UNC13C: variants seen among roughly 807,000 people sequenced by gnomAD.
The protein encoded by UNC13C is protein unc-13 homolog C.
UNC13C carries 174 observed loss-of-function variants against 245.4 expected under a neutral mutation model. The ratio of observed to expected loss-of-function variants is 0.71; its 90% CI spans 0.63 to 0.80. UNC13C has a LOEUF of 0.80. Ranked by LOEUF, UNC13C falls within the 30% of genes least tolerant of loss-of-function variation. The pLI, the probability that UNC13C is intolerant of heterozygous loss-of-function variation, is 0.00. For synonymous variants in UNC13C, 992 were observed against 895.1 expected, an observed-to-expected ratio of 1.11 and a Z score of -1.93; for missense variants, 2,829 against 2,602.9, an observed-to-expected ratio of 1.09 and a Z score of -1.89.
chr15:54,591,394 AT>A (rs1898782994), intron 30 of UNC13C, among the ~76,000 whole-genome samples: 1 of 152,178 alleles, frequency 6.6e-6, no homozygotes, highest in Non-Finnish European at 1.5e-5. Flanking sequence ...GTCTGGTAGA[AT>A]TCTGCTGTGA....
intron 25 of UNC13C, among the ~76,000 whole-genome samples, chr15:54,528,217 T>G (rs369589080): frequency 1.3e-5 from 2 of 152,136 alleles, no homozygotes; most frequent in East Asian, 3.9e-4. Context: ...CTAAGTGATA[T>G]AACCTCAACA....
intron 2 of UNC13C, among the ~76,000 whole-genome samples, chr15:54,141,087 A>G (rs2031995530): frequency 6.6e-6 from 1 of 152,214 alleles, no homozygotes; most frequent in Non-Finnish European, 1.5e-5. Flanking sequence ...TAATGAATAT[A>G]AAGTACTCAT....
At chr15:54,010,983 C>A (rs1386964739) in intron 1 of UNC13C, among the ~76,000 whole-genome samples, 2 of 152,066 alleles carry the variant, frequency 1.3e-5, no homozygotes, top group Admixed American at 1.3e-4. Context: ...GTGGCCAATT[C>A]TTCGATAAAG....
chr15:54,353,920 G>A (rs2039038497), intron 17 of UNC13C, among the ~76,000 whole-genome samples: 1 of 152,166 alleles, frequency 6.6e-6, no homozygotes, highest in South Asian at 2.1e-4. Flanking sequence ...TTGTCTCCAG[G>A]CCAGGATGAA....
chr15:54,481,787 T>A (rs979135339), intron 19 of UNC13C, among the ~76,000 whole-genome samples: 1 of 151,802 alleles, frequency 6.6e-6, no homozygotes, highest in Non-Finnish European at 1.5e-5. Flanking sequence ...CCTGTCCTCA[T>A]GTCTCCTGAT....
chr15:54,538,155 A>AAAAAAAAAAAAC (rs1896075830), intron 26 of UNC13C, among the ~76,000 whole-genome samples: 1 of 146,732 alleles, frequency 6.8e-6, no homozygotes, highest in African/African-American at 2.5e-5. Flanking sequence ...AAAAAAAAAA[A>AAAAAAAAAAAAC]AAAAAAAAAC....
At chr15:54,501,582 C>A (rs547500050) in intron 22 of UNC13C, among the ~76,000 whole-genome samples, 3 of 152,198 alleles carry the variant, frequency 2.0e-5, no homozygotes, top group African/African-American at 7.2e-5. Flanking sequence ...ATAAAAGAAG[C>A]AGCCACTGTC....
intron 2 of UNC13C, among the ~76,000 whole-genome samples, chr15:54,101,021 T>A (rs1900135513): frequency 6.6e-6 from 1 of 152,190 alleles, no homozygotes; most frequent in South Asian, 2.1e-4. Flanking sequence ...TTAAGCCCAT[T>A]TCAATTTTTT....
At chr15:54,079,388 G>GT (rs990846009) in intron 2 of UNC13C, among the ~76,000 whole-genome samples, 23 of 151,586 alleles carry the variant, frequency 1.5e-4, no homozygotes, top group South Asian at 1.3e-3. Flanking sequence ...TGAATTTTTA[G>GT]TTTTTTTTAT....
chr15:54,163,041 A>G (rs879480152), intron 4 of UNC13C, among the ~76,000 whole-genome samples: 10 of 152,148 alleles, frequency 6.6e-5, no homozygotes, highest in Non-Finnish European at 1.0e-4. Flanking sequence ...TGGCCCTGCA[A>G]AGATGTCCGC....
At chr15:54,275,398 T>C (rs2036805782) in intron 10 of UNC13C, among the ~76,000 whole-genome samples, 2 of 152,162 alleles carry the variant, frequency 1.3e-5, no homozygotes, top group African/African-American at 2.4e-5. Flanking sequence ...TCATACTTAG[T>C]ATAATAGTAT....
At chr15:54,408,935 G>A (rs1050534177) in intron 18 of UNC13C, among the ~76,000 whole-genome samples, 15 of 152,166 alleles carry the variant, frequency 9.9e-5, no homozygotes, top group Admixed American at 2.6e-4. Flanking sequence ...ATATTTTTCC[G>A]TGGTATCATT....
At chr15:53,881,439 T>G in the UNC13C span, among the ~76,000 whole-genome samples, 1 of 152,198 alleles carries the variant, frequency 6.6e-6, no homozygotes, top group African/African-American at 2.4e-5. Flanking sequence ...ATCAAATTCA[T>G]GTAAATTTTA....
intron 4 of UNC13C, among the ~76,000 whole-genome samples, chr15:54,172,361 T>C (rs1189215119): frequency 6.6e-6 from 1 of 151,976 alleles, no homozygotes; most frequent in Non-Finnish European, 1.5e-5. Context: ...AAATATACCA[T>C]GTACCCCATA....
chr15:54,558,187 T>C (rs887632928), intron 29 of UNC13C, among the ~76,000 whole-genome samples: 1 of 151,924 alleles, frequency 6.6e-6, no homozygotes, highest in South Asian at 2.1e-4. Flanking sequence ...CACCAGCATG[T>C]CACATGTATA....
At chr15:54,008,406 C>A (rs1895236863) in intron 1 of UNC13C, among the ~76,000 whole-genome samples, 1 of 152,170 alleles carries the variant, frequency 6.6e-6, no homozygotes, top group South Asian at 2.1e-4. Context: ...AAATTGCATA[C>A]ACAGTGCTTG....
chr15:53,890,071 A>T, the UNC13C span, among the ~76,000 whole-genome samples: 1 of 151,492 alleles, frequency 6.6e-6, no homozygotes, highest in Non-Finnish European at 1.5e-5. Context: ...ACTTCATAAA[A>T]TGAGTTAGGG....
intron 14 of UNC13C, among the ~76,000 whole-genome samples, chr15:54,324,261 AAAGCTG>A (rs2038237892): frequency 6.6e-6 from 1 of 152,032 alleles, no homozygotes; most frequent in African/African-American, 2.4e-5. Context: ...CCTAACTGTT[AAAGCTG>A]ATTCTGTCAT....
At position 54,623,924 on chromosome 15, in the gene UNC13C, GGTCACCAAA is replaced by G; in HGVS notation, c.6332_6340del (p.Ser2111_Lys2113del). 6.2e-7 allele frequency: 1 copy of G among 1,613,086 alleles called. No homozygotes were observed. The highest frequency in any genetic ancestry group is 8.5e-7 in the Non-Finnish European group (1 of 1,179,364). ...GGCACAAAAACAAAAAGCAACACATGGTCACCAAAGTACAATGAAACATTTCAGTTGTAA... is the reference window on the plus strand; with the variant it reads ...GGCACAAAAACAAAAAGCAACACATGGTACAATGAAACATTTCAGTTGTAA... On this transcript the variant is annotated inframe_deletion, in exon 32 of 33. Coordinates refer to ENST00000260323, the MANE Select transcript of UNC13C (RefSeq NM_001080534.3).
Sources: allele counts gnomAD v4.1 joint callset (sites outside exome capture counted in the v4.1 genomes callset), GRCh38; gene constraint gnomAD v4.1.1; transcripts MANE v1.5; gene names NCBI Gene and HGNC (gene_info 2026-07-23, HGNC 2026-07-21).